Variants in CD99L2 observed in about 807,000 individuals in gnomAD.
The protein encoded by CD99L2 is CD99 antigen-like protein 2.
CD99L2 carries 24 observed loss-of-function variants against 27.3 expected under a neutral mutation model. The ratio of observed to expected loss-of-function variants is 0.88; its 90% CI spans 0.64 to 1.24. The LOEUF (loss-of-function observed/expected upper bound fraction) is 1.24, where lower values mean the gene tolerates loss of function less well. Among genes scored for constraint, CD99L2 ranks in the 50% most tolerant of loss-of-function variants. The probability of loss-of-function intolerance (pLI) is 0.00; values close to 1 mark genes in which losing one functional copy is unlikely to be tolerated. For synonymous variants in CD99L2, 97 were observed against 87.9 expected (o/e 1.10, Z -0.58); for missense variants, 255 against 221.6 (o/e 1.15, Z -0.96).
chrX:150,834,068 T>C (rs1557421134), intron 1 of CD99L2, among the ~76,000 whole-genome samples: 1 of 112,047 alleles, frequency 8.9e-6, no homozygotes, highest in East Asian at 2.8e-4. Context: ...CTCAACTCAA[T>C]AGCAAGAAAA....
intron 4 of CD99L2, among the ~76,000 whole-genome samples, chrX:150,802,902 TTTTTTTTTTC>T (rs2045938373): frequency 5.3e-5 from 3 of 56,248 alleles, no homozygotes; most frequent in Non-Finnish European, 9.2e-5. Flanking sequence ...TTTTTTTTTT[TTTTTTTTTTC>T]TGAGACAGAG....
In CD99L2 at chrX:150,767,927, C is replaced by G. The variant is rs1178796723; in HGVS notation, c.*1107G>C. On this transcript the variant is annotated 3_prime_UTR_variant, in exon 11 of 11. Coordinates refer to ENST00000370377, the MANE Select transcript of CD99L2 (RefSeq NM_031462.4). ...CTGCTCCAGCCCAAACCAGGCAGCT[C>G]CACGCCAGGTGAGGGGCGAGTCATG... The G allele has an allele frequency of 6.3e-5, 7 of 111,959 alleles. No individual in the cohort carries two copies. The highest frequency in any genetic ancestry group is 2.3e-4 in the African/African-American group (7 of 30,769). 9.2% of individuals were successfully genotyped at this position (111,959 alleles called of 1,213,427 possible). A position where few individuals can be genotyped will look rare whatever the true frequency, so the allele number is the denominator to read the frequency against.
At chrX:150,842,219 T>C (rs782666862) in intron 1 of CD99L2, among the ~76,000 whole-genome samples, 2 of 112,140 alleles carry the variant, frequency 1.8e-5, no homozygotes, top group Non-Finnish European at 3.8e-5. Context: ...CCCATGGACT[T>C]GTGCATGTCC....
At chrX:150,818,053 T>A (rs1490304470) in intron 2 of CD99L2, among the ~76,000 whole-genome samples, 1 of 106,718 alleles carries the variant, frequency 9.4e-6, no homozygotes, top group African/African-American at 3.5e-5. Flanking sequence ...GAGGAAGACA[T>A]AATAATTTTA....
chrX:150,886,564 A>T (rs782228107), intron 1 of CD99L2, among the ~76,000 whole-genome samples: 5 of 112,471 alleles, frequency 4.4e-5, no homozygotes, highest in African/African-American at 1.6e-4. Flanking sequence ...ATCACATGAC[A>T]TTTCTCAGAA....
chrX:150,779,250 C>T (rs1182757501), intron 7 of CD99L2, among the ~76,000 whole-genome samples: 1 of 112,191 alleles, frequency 8.9e-6, no homozygotes, highest in African/African-American at 3.2e-5. Flanking sequence ...CTGACTCTCC[C>T]AGACTTTCAA....
intron 10 of CD99L2, 117 bp from the exon 11 acceptor site, chrX:150,769,218 G>A (rs2043367851): frequency 8.0e-6 from 7 of 870,890 alleles, no homozygotes; most frequent in African/African-American, 6.4e-5. Flanking sequence ...TCCCCTGGGG[G>A]GCCGCTTAGC....
intron 1 of CD99L2, among the ~76,000 whole-genome samples, chrX:150,858,742 A>G (rs1284487768): frequency 6.3e-5 from 7 of 111,995 alleles, no homozygotes; most frequent in Non-Finnish European, 1.1e-4. Flanking sequence ...ACCTACATCA[A>G]AAAGTAGAAA....
At chrX:150,818,863 G>A (rs1266276571) in intron 2 of CD99L2, 2 of 377,261 alleles carry the variant, frequency 5.3e-6, no homozygotes, top group East Asian at 7.5e-5. Context: ...AAACTTTTAT[G>A]CTCTGAGCAC....
At chrX:150,798,039 C>CA (rs781845464) in intron 4 of CD99L2, among the ~76,000 whole-genome samples, 149 of 70,892 alleles carry the variant, frequency 2.1e-3, no homozygotes, top group African/African-American at 2.8e-3. Context: ...GAGACCCCGT[C>CA]AAAAAAAAAG....
At chrX:150,770,160 G>T (rs1174544488) in intron 10 of CD99L2, 144 bp downstream of exon 10, 3 of 510,346 alleles carry the variant, frequency 5.9e-6, no homozygotes, top group Non-Finnish European at 9.6e-6. Context: ...TGGGAGGCAG[G>T]CTCATCAGGG....
intron 7 of CD99L2, among the ~76,000 whole-genome samples, chrX:150,792,819 C>A (rs1412244629): frequency 8.9e-6 from 1 of 112,208 alleles, no homozygotes; most frequent in Non-Finnish European, 1.9e-5. Flanking sequence ...CACTAGCCTG[C>A]CTTGCCACAT....
At chrX:150,824,341 AAAGAAGGAAGAAGG>A (rs782283617) in intron 2 of CD99L2, among the ~76,000 whole-genome samples, 1 of 92,746 alleles carries the variant, frequency 1.1e-5, no homozygotes, top group African/African-American at 4.3e-5. Flanking sequence ...GAAGAAGAAG[AAAGAAGGAAGAAGG>A]AAGAAGGAAG....
chrX:150,770,447 A>T, intron 9 of CD99L2, 78 bp from the exon 10 acceptor site: 2 of 948,611 alleles, frequency 2.1e-6, no homozygotes, highest in Non-Finnish European at 1.5e-6. Flanking sequence ...ACTCCTGACC[A>T]AGTCCTCTGC....
chrX:150,879,946 A>AT (rs2047300945), intron 1 of CD99L2, among the ~76,000 whole-genome samples: 1 of 104,936 alleles, frequency 9.5e-6, no homozygotes, highest in Admixed American at 1.1e-4. Context: ...AAAAAAAAAA[A>AT]AAGACACCCA....
chrX:150,863,213 G>T (rs1434977291), intron 1 of CD99L2, among the ~76,000 whole-genome samples: 1 of 112,100 alleles, frequency 8.9e-6, no homozygotes, highest in South Asian at 3.8e-4. Flanking sequence ...GTGAGGTAAG[G>T]TGACAAACAA....
Position 150,859,789 on chromosome X carries a change from G to A in CD99L2, c.68-28496C>T, listed in dbSNP as rs546780986. 1.5e-4 allele frequency among the ~76,000 whole-genome samples: 16 copies of A among 109,899 alleles called. No individual in the cohort carries two copies. In the South Asian group the frequency reaches 4.7e-3, roughly 32 times the overall value. On this transcript the variant is annotated intron_variant, in intron 1 of 10. Coordinates refer to ENST00000370377, the MANE Select transcript of CD99L2 (RefSeq NM_031462.4). ...GCTGGGATTACAGGTGTAAGCCACC[G>A]CGCCCGGCAGCAAAACTCTGTCTTA...
At chrX:150,778,384 C>T (rs1209137267) in intron 7 of CD99L2, among the ~76,000 whole-genome samples, 1 of 107,578 alleles carries the variant, frequency 9.3e-6, no homozygotes, top group Non-Finnish European at 1.9e-5. Context: ...GGCAAATGAG[C>T]TCCAACATTT....
At chrX:150,886,682 T>C (rs1158237198) in intron 1 of CD99L2, among the ~76,000 whole-genome samples, 2 of 112,162 alleles carry the variant, frequency 1.8e-5, no homozygotes, top group African/African-American at 6.5e-5. Flanking sequence ...CTCGGCAATG[T>C]CTGGAGTTAT....
Sources: allele counts gnomAD v4.1 joint callset (sites outside exome capture counted in the v4.1 genomes callset), GRCh38; gene constraint gnomAD v4.1.1; transcripts MANE v1.5; gene names NCBI Gene and HGNC (gene_info 2026-07-23, HGNC 2026-07-21).